EGFL6: variants seen among roughly 807,000 people sequenced by gnomAD.
EGFL6 encodes the protein EGF like domain multiple 6, also known as epidermal growth factor-like protein 6.
In EGFL6, 42 loss-of-function variants were observed where a neutral mutation model predicts 43.1. The ratio of observed to expected loss-of-function variants is 0.98; its 90% CI spans 0.76 to 1.26. The LOEUF (loss-of-function observed/expected upper bound fraction) is 1.26, where lower values mean the gene tolerates loss of function less well. Among genes scored for constraint, EGFL6 ranks in the 50% most tolerant of loss-of-function variants. The probability of loss-of-function intolerance (pLI) is 0.00; values close to 1 mark genes in which losing one functional copy is unlikely to be tolerated. For missense variants in EGFL6, 429 were observed against 427.8 expected (o/e 1.00, Z -0.02); for synonymous variants, 164 against 163.2 (o/e 1.01, Z -0.04).
At chrX:13,585,561 C>T (rs1480923308) in intron 1 of EGFL6, among the ~76,000 whole-genome samples, 1 of 110,821 alleles carries the variant, frequency 9.0e-6, no homozygotes, top group Admixed American at 9.6e-5. Context: ...GAGGATTATA[C>T]TGATTTTTTT....
chrX:13,612,151 T>A (rs948756067), intron 7 of EGFL6, among the ~76,000 whole-genome samples: 4 of 110,647 alleles, frequency 3.6e-5, no homozygotes, highest in Non-Finnish European at 7.6e-5. Flanking sequence ...CAGATAAACA[T>A]GTGAACAAAG....
intron 2 of EGFL6, among the ~76,000 whole-genome samples, chrX:13,592,316 C>G (rs2045568920): frequency 1.8e-5 from 2 of 111,882 alleles, no homozygotes; most frequent in Admixed American, 9.5e-5. Flanking sequence ...TAAATTCTCT[C>G]TCTTTTGTCT....
intron 9 of EGFL6, 69 bp downstream of exon 9, chrX:13,619,312 G>A: frequency 1.1e-6 from 1 of 947,884 alleles, no homozygotes; most frequent in Non-Finnish European, 1.5e-6. Flanking sequence ...TCTTCATACA[G>A]TGAAATGATT....
At chrX:13,609,830 C>T (rs763788880) in intron 7 of EGFL6, among the ~76,000 whole-genome samples, 5 of 111,786 alleles carry the variant, frequency 4.5e-5, no homozygotes, top group Non-Finnish European at 7.5e-5. Context: ...AGCACTAGCT[C>T]ATAGTGTGAC....
intron 1 of EGFL6, among the ~76,000 whole-genome samples, chrX:13,578,926 A>T: frequency 8.9e-6 from 1 of 111,766 alleles, no homozygotes; most frequent in Middle Eastern, 4.6e-3. Context: ...AAGTATAATA[A>T]AAATAAATAA....
intron 7 of EGFL6, among the ~76,000 whole-genome samples, chrX:13,615,388 A>G (rs1308800828): frequency 1.8e-5 from 2 of 112,389 alleles, no homozygotes; most frequent in Non-Finnish European, 3.8e-5. Flanking sequence ...AAAGGTCTTT[A>G]GTTTTATGTT....
At chrX:13,592,371 A>G (rs1012372930) in intron 2 of EGFL6, among the ~76,000 whole-genome samples, 3 of 112,041 alleles carry the variant, frequency 2.7e-5, no homozygotes, top group African/African-American at 9.7e-5. Context: ...TTCCCTTATG[A>G]TTTGTTCAGG....
chrX:13,625,926 A>G (rs1388101177), intron 10 of EGFL6, among the ~76,000 whole-genome samples: 5 of 105,194 alleles, frequency 4.8e-5, no homozygotes, highest in Non-Finnish European at 7.8e-5. Context: ...AAGAAAAGAG[A>G]CATGAATGAG....
chrX:13,586,920 A>T (rs1413302607), intron 1 of EGFL6, among the ~76,000 whole-genome samples: 1 of 112,505 alleles, frequency 8.9e-6, no homozygotes, highest in Non-Finnish European at 1.9e-5. Context: ...GTACTGTTAC[A>T]AGCTACAACA....
At chrX:13,608,771 T>C in intron 7 of EGFL6, among the ~76,000 whole-genome samples, 1 of 112,554 alleles carries the variant, frequency 8.9e-6, no homozygotes, top group Non-Finnish European at 1.9e-5. Context: ...AATTTATCTA[T>C]CAGGATAGAC....
Position 13,608,324 on chromosome X carries a change from A to G in EGFL6, c.656A>G (p.Asp219Gly). The change falls in exon 7 of 12, where the codon GAT becomes GGT. Residue 219 changes from aspartate to glycine, a missense_variant and splice_region_variant. Coordinates refer to ENST00000361306, the MANE Select transcript of EGFL6 (RefSeq NM_015507.4). ...CGTTCACTGGAATGTTCTTTTTTAG[A>G]TATAAATGAATGTACTATGGATAGC... ...QYISGRYDCI[D>G]INECTMDSHT... 8.3e-7 allele frequency: 1 copy of G among 1,210,239 alleles called. No homozygotes were observed. Among genetic ancestry groups the G allele is most frequent in the Non-Finnish European group, 1.1e-6 (1 of 894,706 alleles).
intron 7 of EGFL6, among the ~76,000 whole-genome samples, chrX:13,616,859 ATTTTTTT>A (rs773399610): frequency 1.1e-5 from 1 of 88,985 alleles, no homozygotes; most frequent in Non-Finnish European, 2.2e-5. Context: ...CTAGAGGTAC[ATTTTTTT>A]TTTTTTTTTT....
chrX:13,577,883 C>G (rs941695515), intron 1 of EGFL6, among the ~76,000 whole-genome samples: 1 of 111,884 alleles, frequency 8.9e-6, no homozygotes, highest in Non-Finnish European at 1.9e-5. Context: ...GCAAACAGGC[C>G]ATTGCAGGCT....
rs143731260 is a variant in EGFL6, at chrX:13,624,680, G to A, written c.1285+755G>A. On this transcript the variant is annotated intron_variant, in intron 10 of 11. Coordinates refer to ENST00000361306, the MANE Select transcript of EGFL6 (RefSeq NM_015507.4). ...AACTGTTACACCTTCAGGGACTCCAGTTACTTATCAATCAAATTATTTCTT... is the reference window on the plus strand; with the variant it reads ...AACTGTTACACCTTCAGGGACTCCAATTACTTATCAATCAAATTATTTCTT... Among the ~76,000 whole-genome samples, 224 of 111,734 alleles carry A rather than the reference G, an allele frequency of 2.0e-3. 1 individual carries two copies. Among genetic ancestry groups the A allele is most frequent in the African/African-American group, 7.1e-3 (218 of 30,746 alleles).
rs2045734705 is a variant in EGFL6 at position 13,618,929 on chromosome X, T to C, written c.1103-234T>C. ...ATTTCCAAAACCTAGTATGAAGGGA[T>C]GTATCAAGAGTGTAGATGCTTAGTT... On this transcript the variant is annotated intron_variant, in intron 8 of 11. Transcript: ENST00000361306. Among the ~76,000 whole-genome samples, 4 of 111,176 alleles carry C rather than the reference T, an allele frequency of 3.6e-5. No individual in the cohort carries two copies. The Admixed American group carries it at 3.8e-4, about 11-fold the overall frequency.
At chrX:13,600,930 A>C (rs976637462) in intron 4 of EGFL6, among the ~76,000 whole-genome samples, 2 of 109,145 alleles carry the variant, frequency 1.8e-5, no homozygotes, top group East Asian at 5.8e-4. Context: ...GATCTTCATC[A>C]CTCCAAAAGG....
chrX:13,612,911 G>A (rs924804473), intron 7 of EGFL6, among the ~76,000 whole-genome samples: 4 of 110,792 alleles, frequency 3.6e-5, no homozygotes, highest in Non-Finnish European at 5.7e-5. Flanking sequence ...TTGGAAGGCC[G>A]AGGCGGGTGG....
intron 7 of EGFL6, among the ~76,000 whole-genome samples, chrX:13,616,438 C>T (rs2045717948): frequency 9.1e-6 from 1 of 110,493 alleles, no homozygotes; most frequent in South Asian, 3.8e-4. Context: ...GGCGAAACCC[C>T]GTCTCTACTA....
chrX:13,603,378 A>G lies in EGFL6; in HGVS notation c.462A>G (p.Pro154=), dbSNP rs201204362. 2 of 1,209,700 alleles carry G rather than the reference A, an allele frequency of 1.7e-6. No individual in the cohort carries two copies. The highest frequency in any genetic ancestry group is 5.9e-5 in the East Asian group (2 of 33,739). The part of the protein sequence containing the change: ...QYSCEDTEEG[P]QCLCPSSGLR... ...GCTGTGAAGACACAGAAGAAGGGCC[A>G]CAGTGCCTGTGTCCATCCTCAGGAC... The change falls in exon 5 of 12, where the codon CCA becomes CCG. Residue 154 remains proline (P), a synonymous_variant. Coordinates refer to ENST00000361306, the MANE Select transcript of EGFL6 (RefSeq NM_015507.4).
Sources: gnomAD v4.1 joint callset for allele counts (sites outside exome capture counted in the v4.1 genomes callset) on GRCh38, gnomAD v4.1.1 for gene constraint, MANE v1.5 for transcripts, NCBI Gene and HGNC (gene_info 2026-07-23, HGNC 2026-07-21) for gene names.